PPFIA2: variants seen among roughly 807,000 people sequenced by gnomAD.
The protein encoded by PPFIA2 is PPFI scaffold protein A2.
In PPFIA2, 46 loss-of-function variants were observed where a neutral mutation model predicts 175.5. The ratio of observed to expected loss-of-function variants is 0.26; its 90% confidence interval spans 0.21 to 0.34. The LOEUF is 0.34. Ranked by LOEUF, PPFIA2 falls within the 10% of genes least tolerant of loss-of-function variation. The pLI, the probability that PPFIA2 is intolerant of heterozygous loss-of-function variation, is 1.00. For synonymous variants in PPFIA2, 568 were observed against 511.4 expected, an observed-to-expected ratio of 1.11 and a Z score of -1.49; for missense variants, 1,179 against 1,506.1, an observed-to-expected ratio of 0.78 and a Z score of 3.60.
At chr12:81,591,888 C>T (rs2058717163) in intron 4 of PPFIA2, among the ~76,000 whole-genome samples, 1 of 152,034 alleles carries the variant, frequency 6.6e-6, no homozygotes, top group Admixed American at 6.6e-5. Flanking sequence ...TGGGGAACCA[C>T]CATTGCTTGC....
chr12:81,713,252 C>A (rs185619434), intron 3 of PPFIA2, among the ~76,000 whole-genome samples: 1 of 150,940 alleles, frequency 6.6e-6, no homozygotes, highest in Admixed American at 6.8e-5. Context: ...GAGGCTGGTA[C>A]TATTTGTATT....
intron 3 of PPFIA2, among the ~76,000 whole-genome samples, chr12:81,719,949 T>C (rs1280599456): frequency 1.3e-5 from 2 of 151,464 alleles, no homozygotes; most frequent in Non-Finnish European, 3.0e-5. Flanking sequence ...TATGTTTGTC[T>C]TATTAATAAA....
chr12:81,315,046 T>A (rs529970841), intron 22 of PPFIA2, among the ~76,000 whole-genome samples: 1 of 151,696 alleles, frequency 6.6e-6, no homozygotes, highest in African/African-American at 2.4e-5. Flanking sequence ...ATGGGGCAAG[T>A]GTTAGTGTAT....
At chr12:81,598,110 G>A (rs2059436632) in intron 4 of PPFIA2, 1 of 1,527,676 alleles carries the variant, frequency 6.5e-7, no homozygotes, top group Non-Finnish European at 8.8e-7. Context: ...ATAAATCCGT[G>A]CATGCATTGA....
At chr12:81,315,857 G>A (rs1219573208) in intron 22 of PPFIA2, among the ~76,000 whole-genome samples, 1 of 151,582 alleles carries the variant, frequency 6.6e-6, no homozygotes, top group African/African-American at 2.4e-5. Flanking sequence ...AAATGGTTCA[G>A]AAGTTTAAAT....
chr12:81,269,295 C>T (rs2038370182), intron 28 of PPFIA2, among the ~76,000 whole-genome samples: 1 of 151,920 alleles, frequency 6.6e-6, no homozygotes, highest in Non-Finnish European at 1.5e-5. Context: ...ATTTTTACTA[C>T]CCATAGAAAG....
intron 4 of PPFIA2, among the ~76,000 whole-genome samples, chr12:81,587,302 CTGA>C (rs1399810664): frequency 1.3e-5 from 2 of 151,870 alleles, no homozygotes; most frequent in Non-Finnish European, 2.9e-5. Flanking sequence ...CTCATGAGAT[CTGA>C]TGGTTTTATA....
chr12:81,470,771 T>A (rs1488405668), intron 4 of PPFIA2, among the ~76,000 whole-genome samples: 3 of 152,222 alleles, frequency 2.0e-5, no homozygotes, highest in East Asian at 1.9e-4. Context: ...TAACATGATA[T>A]CTGACCTCTT....
chr12:81,383,323 T>C (rs1010703988), intron 9 of PPFIA2, among the ~76,000 whole-genome samples: 8 of 152,078 alleles, frequency 5.3e-5, no homozygotes, highest in Admixed American at 2.0e-4. Flanking sequence ...TTTCCACAAA[T>C]ATAATTTTCT....
At chr12:81,345,672 T>C (rs1439424210) in intron 18 of PPFIA2, among the ~76,000 whole-genome samples, 8 of 152,218 alleles carry the variant, frequency 5.3e-5, no homozygotes, top group Non-Finnish European at 1.2e-4. Flanking sequence ...ATTCCTGCCT[T>C]GAATGCTGAC....
chr12:81,281,514 T>A, intron 26 of PPFIA2, 64 bp from the exon 27 acceptor site: 1 of 1,066,946 alleles, frequency 9.4e-7, no homozygotes, highest in Non-Finnish European at 1.3e-6. Flanking sequence ...TTGGATAATA[T>A]TACCTATTAT....
Position 81,300,254 on chromosome 12 carries a change from T to C in PPFIA2, c.2643-872A>G, listed in dbSNP as rs192256833. Among the ~76,000 whole-genome samples, 11 of 152,284 alleles carry C rather than the reference T, an allele frequency of 7.2e-5. No homozygotes were observed. In the East Asian group the frequency reaches 1.9e-3, roughly 27 times the overall value. ...TGATATATACTTGGCCAGGAATATA[T>C]TGGAAAATACATTCTCTTTACTTTA... On this transcript the variant is annotated intron_variant, in intron 22 of 32. Coordinates refer to ENST00000549396, the MANE Select transcript of PPFIA2 (RefSeq NM_003625.5).
At chr12:81,732,570 CAA>C (rs1464649609) in intron 3 of PPFIA2, among the ~76,000 whole-genome samples, 3 of 143,508 alleles carry the variant, frequency 2.1e-5, no homozygotes, top group Non-Finnish European at 4.6e-5. Context: ...TAGTTACAAA[CAA>C]TGTGTATTTC....
In PPFIA2 at chr12:81,642,810, T is replaced by TTACA. The variant is rs1555549953; in HGVS notation, c.303+33977_303+33980dup. Reference sequence around the variant, plus strand: ...ACATACATGTATATGTATGTATGTATTACATACATGTATATGTATGTATGT... The same window carrying TTACA: ...ACATACATGTATATGTATGTATGTATTACATACATACATGTATATGTATGTATGT... On this transcript the variant is annotated intron_variant, in intron 4 of 32. Coordinates refer to ENST00000549396, the MANE Select transcript of PPFIA2 (RefSeq NM_003625.5). Among the ~76,000 whole-genome samples, 64 of 24,682 alleles carry TTACA rather than the reference T, an allele frequency of 2.6e-3. 28 individuals carry two copies. The highest frequency in any genetic ancestry group is 7.6e-3 in the African/African-American group (47 of 6,200). 16.2% of individuals were successfully genotyped at this position (24,682 alleles called of 152,430 possible).
intron 4 of PPFIA2, among the ~76,000 whole-genome samples, chr12:81,611,612 T>C (rs1419223730): frequency 6.6e-6 from 1 of 151,960 alleles, no homozygotes; most frequent in African/African-American, 2.4e-5. Flanking sequence ...GGGGACAGCA[T>C]GTGGAAGGGT....
chr12:81,608,808 T>C (rs1455965538), intron 4 of PPFIA2, among the ~76,000 whole-genome samples: 1 of 151,994 alleles, frequency 6.6e-6, no homozygotes, highest in Non-Finnish European at 1.5e-5. Context: ...CTAATTTTAG[T>C]TATTTCTTTA....
intron 4 of PPFIA2, among the ~76,000 whole-genome samples, chr12:81,548,274 G>A (rs1038811913): frequency 6.6e-6 from 1 of 152,028 alleles, no homozygotes; most frequent in Non-Finnish European, 1.5e-5. Context: ...TTTACACAGG[G>A]AAATACACGG....
At chr12:81,414,575 G>A (rs1047474860) in intron 7 of PPFIA2, among the ~76,000 whole-genome samples, 3 of 151,484 alleles carry the variant, frequency 2.0e-5, no homozygotes, top group African/African-American at 7.3e-5. Context: ...ACAACTTCCA[G>A]ATAGTGCCCA....
chr12:81,410,237 C>G (rs548355515), intron 7 of PPFIA2, among the ~76,000 whole-genome samples: 69 of 152,240 alleles, frequency 4.5e-4, no homozygotes, highest in African/African-American at 1.7e-3. Flanking sequence ...TTTGTCACAG[C>G]AGCACAAATG....
Sources: gnomAD v4.1 joint callset for allele counts (sites outside exome capture counted in the v4.1 genomes callset) on GRCh38, gnomAD v4.1.1 for gene constraint, MANE v1.5 for transcripts, NCBI Gene and HGNC (gene_info 2026-07-23, HGNC 2026-07-21) for gene names.